Variants in TMEM135 observed in about 807,000 individuals in gnomAD.
TMEM135 encodes peroxisomal membrane protein 52.
In TMEM135, 30 loss-of-function variants were observed where a neutral mutation model predicts 60.3. That is an observed-to-expected ratio of 0.50 (90% confidence interval 0.37 to 0.68). The LOEUF is 0.68. Among genes scored for constraint, TMEM135 ranks in the 30% least tolerant of loss-of-function variants. The probability of loss-of-function intolerance (pLI) is 0.00; values close to 1 mark genes in which losing one functional copy is unlikely to be tolerated. For synonymous variants in TMEM135, 190 were observed against 186.7 expected (o/e 1.02, Z -0.14); for missense variants, 468 against 548.8 (o/e 0.85, Z 1.47).
chr11:87,309,783 C>A, intron 10 of TMEM135, 111 bp downstream of exon 10: 1 of 1,198,356 alleles, frequency 8.3e-7, no homozygotes, highest in Non-Finnish European at 1.2e-6. Context: ...CTGGAATATT[C>A]ATACATATCT....
At chr11:87,053,883 T>G (rs11234930) in intron 1 of TMEM135, among the ~76,000 whole-genome samples, 14,571 of 152,282 alleles carry the variant, frequency 0.096, 781 homozygotes, top group East Asian at 0.17. Context: ...TGATATGCTC[T>G]TAATGTTGTG....
At chr11:87,086,684 A>G (rs974859206) in intron 3 of TMEM135, among the ~76,000 whole-genome samples, 1 of 152,186 alleles carries the variant, frequency 6.6e-6, no homozygotes, top group Non-Finnish European at 1.5e-5. Context: ...TGGGCATGAC[A>G]GCATAGAAAA....
intron 5 of TMEM135, chr11:87,157,750 T>C: frequency 5.3e-6 from 1 of 187,750 alleles, no homozygotes; most frequent in Non-Finnish European, 1.1e-5. Context: ...GAACTGATAC[T>C]TATTTCTTAA....
intron 3 of TMEM135, among the ~76,000 whole-genome samples, chr11:87,085,444 A>G (rs1478337443): frequency 1.3e-5 from 2 of 152,196 alleles, no homozygotes; most frequent in Admixed American, 1.3e-4. Flanking sequence ...TTAAACAAGC[A>G]AGTGAATTAC....
intron 6 of TMEM135, among the ~76,000 whole-genome samples, chr11:87,282,780 T>G (rs1236295340): frequency 2.0e-5 from 3 of 152,222 alleles, no homozygotes; most frequent in African/African-American, 7.2e-5. Flanking sequence ...ATTTACAATT[T>G]GATCACTTAA....
rs572309403 is a variant in TMEM135 at position 87,163,085 on chromosome 11, G to A, written c.462+5679G>A. On this transcript the variant is annotated intron_variant, in intron 5 of 14. Coordinates refer to ENST00000305494, the MANE Select transcript of TMEM135 (RefSeq NM_022918.4). ...AAGTTTTAGGGTACATGTGCACATTGTGCAGGTTAGTTACATATGTATACA... is the reference window on the plus strand; with the variant it reads ...AAGTTTTAGGGTACATGTGCACATTATGCAGGTTAGTTACATATGTATACA... Among the ~76,000 whole-genome samples the A allele has an allele frequency of 3.2e-3, 468 of 145,738 alleles. 3 individuals are homozygous for A. The highest frequency in any genetic ancestry group is 0.011 in the Admixed American group (159 of 14,426).
intron 5 of TMEM135, among the ~76,000 whole-genome samples, chr11:87,227,858 T>G (rs1396970490): frequency 2.6e-5 from 4 of 152,158 alleles, no homozygotes; most frequent in Non-Finnish European, 5.9e-5. Context: ...TTTAAAAAAG[T>G]ATATGAATGG....
At chr11:87,253,629 A>G (rs1941464136) in intron 6 of TMEM135, among the ~76,000 whole-genome samples, 1 of 23,900 alleles carries the variant, frequency 4.2e-5, no homozygotes, top group African/African-American at 1.7e-4. Flanking sequence ...TTAAAGGATG[A>G]GCCATATATA....
At chr11:87,301,593 A>G (rs1214318934) in intron 7 of TMEM135, among the ~76,000 whole-genome samples, 1 of 152,002 alleles carries the variant, frequency 6.6e-6, no homozygotes, top group Non-Finnish European at 1.5e-5. Flanking sequence ...ATCCCGTTCT[A>G]TCTGTATTTT....
At chr11:87,272,742 G>A (rs2135412530) in intron 6 of TMEM135, among the ~76,000 whole-genome samples, 1 of 152,242 alleles carries the variant, frequency 6.6e-6, no homozygotes, top group African/African-American at 2.4e-5. Flanking sequence ...AACTACAGAT[G>A]TGAGCCATCA....
intron 3 of TMEM135, among the ~76,000 whole-genome samples, 159 bp downstream of exon 3, chr11:87,071,774 T>C (rs550649282): frequency 4.4e-4 from 67 of 152,110 alleles, no homozygotes; most frequent in African/African-American, 1.5e-3. Flanking sequence ...TTTATATTAA[T>C]GTTTATATGT....
intron 3 of TMEM135, among the ~76,000 whole-genome samples, chr11:87,077,040 C>A (rs1211090337): frequency 6.6e-6 from 1 of 152,148 alleles, no homozygotes. Flanking sequence ...GCAGTTTGTT[C>A]CCATGTATAG....
chr11:87,228,432 G>C (rs536352906), intron 5 of TMEM135, among the ~76,000 whole-genome samples: 1 of 152,294 alleles, frequency 6.6e-6, no homozygotes, highest in South Asian at 2.1e-4. Context: ...TGGATAGGTA[G>C]AAACATGTCT....
Position 87,326,779 on chromosome 11 carries a change from G to T in TMEM135, c.*5446G>T, listed in dbSNP as rs780387517. 14 of 446,044 alleles carry T rather than the reference G, an allele frequency of 3.1e-5. No homozygotes were observed. The highest frequency in any genetic ancestry group is 2.3e-4 in the South Asian group (14 of 62,186). The allele number at this position is 446,044 out of a possible 1,614,324, so 27.6% of individuals were successfully genotyped here. On this transcript the variant is annotated 3_prime_UTR_variant, in exon 15 of 15. Transcript: ENST00000305494. Reference sequence around the variant, plus strand: ...CAAAGCTTCAGGAAGAAATTCAGTTGCATCTGAATCTGAGTCGGCAGTTTT... The same window carrying T: ...CAAAGCTTCAGGAAGAAATTCAGTTTCATCTGAATCTGAGTCGGCAGTTTT...
rs190513248 is a variant in TMEM135 at position 87,188,073 on chromosome 11, G to A, written c.462+30667G>A. 4.0e-4 allele frequency among the ~76,000 whole-genome samples: 60 copies of A among 150,778 alleles called. No individual in the cohort carries two copies. The East Asian group carries it at 0.011, about 29-fold the overall frequency. ...ACAAGTTCAGTGTTGAACAATGAGA[G>A]AGAGAGCTCCCTTACAGAACCCCCT... is the stretch of plus-strand genomic sequence containing the variant. On this transcript the variant is annotated intron_variant, in intron 5 of 14. Transcript: ENST00000305494.
In TMEM135 at chr11:87,193,398, A is replaced by G. The variant is rs537611676; in HGVS notation, c.462+35992A>G. Among the ~76,000 whole-genome samples the G allele has an allele frequency of 2.6e-4, 40 of 152,294 alleles. No individual in the cohort carries two copies. In the South Asian group the frequency reaches 6.4e-3, roughly 24 times the overall value. On this transcript the variant is annotated intron_variant, in intron 5 of 14. Coordinates refer to ENST00000305494, the MANE Select transcript of TMEM135 (RefSeq NM_022918.4). ...TTGTTATTTAGTTTAGCCTCTGCTAATTTTTATCCATTTTCCTTGTAATCT... is the reference window on the plus strand; with the variant it reads ...TTGTTATTTAGTTTAGCCTCTGCTAGTTTTTATCCATTTTCCTTGTAATCT...
chr11:87,094,257 A>T lies in TMEM135; in HGVS notation c.396+2862A>T, dbSNP rs141787367. ...AACTTTATTCCCCAAAAACCAAATTACATATGGCTAGACTTCCTTTTCAGT... is the reference window on the plus strand; with the variant it reads ...AACTTTATTCCCCAAAAACCAAATTTCATATGGCTAGACTTCCTTTTCAGT... On this transcript the variant is annotated intron_variant, in intron 4 of 14. Coordinates refer to ENST00000305494, the MANE Select transcript of TMEM135 (RefSeq NM_022918.4). Among the ~76,000 whole-genome samples, 1,487 of 152,314 alleles carry T rather than the reference A, an allele frequency of 9.8e-3. 18 individuals carry two copies. Among genetic ancestry groups the T allele is most frequent in the African/African-American group, 0.03 (1,267 of 41,564 alleles).
intron 6 of TMEM135, among the ~76,000 whole-genome samples, chr11:87,278,250 T>C (rs1309366312): frequency 6.6e-6 from 1 of 152,228 alleles, no homozygotes; most frequent in Non-Finnish European, 1.5e-5. Context: ...GATTCTTTAG[T>C]TTTGAGCAAT....
At chr11:87,230,409 T>C (rs778115553) in intron 5 of TMEM135, among the ~76,000 whole-genome samples, 10 of 152,104 alleles carry the variant, frequency 6.6e-5, no homozygotes, top group Non-Finnish European at 1.2e-4. Flanking sequence ...TAATGAATTA[T>C]AGAGAAATTT....
Sources: allele counts gnomAD v4.1 joint callset (sites outside exome capture counted in the v4.1 genomes callset), GRCh38; gene constraint gnomAD v4.1.1; transcripts MANE v1.5; gene names NCBI Gene and HGNC (gene_info 2026-07-23, HGNC 2026-07-21).